The following NOL10 variants were observed in gnomAD, a reference collection of about 807,000 sequenced individuals.
The protein encoded by NOL10 is H_NH0074G24.1.
Under a neutral mutation model 103.5 loss-of-function variants are expected in NOL10, and 58 were observed. The observed-to-expected ratio is 0.56, with a 90% CI of 0.45 to 0.70. The LOEUF is 0.70. Ranked by LOEUF, NOL10 falls within the 30% of genes least tolerant of loss-of-function variation. The probability of loss-of-function intolerance (pLI) is 0.00; values close to 1 mark genes in which losing one functional copy is unlikely to be tolerated. For synonymous variants in NOL10, 287 were observed against 282.5 expected (o/e 1.02, Z -0.16); for missense variants, 763 against 807.3 (o/e 0.95, Z 0.67).
At chr2:10,648,128 T>C (rs919997116) in intron 12 of NOL10, among the ~76,000 whole-genome samples, 1 of 152,216 alleles carries the variant, frequency 6.6e-6, no homozygotes, top group African/African-American at 2.4e-5. Flanking sequence ...TGATGAGCCA[T>C]AGGAGCAGGG....
chr2:10,600,910 A>G lies in NOL10; in HGVS notation c.1365T>C (p.Leu455=), dbSNP rs1374412831. Residue 455 remains leucine (L), a synonymous_variant, in exon 17 of 21, where the codon CTT becomes CTC. Coordinates refer to ENST00000381685, the MANE Select transcript of NOL10 (RefSeq NM_024894.4). The stretch of plus-strand genomic sequence containing the variant: ...TCTCCTCTTCTTCCTCAATTAATTT[A>G]AGTGCCAGCTCTTTGTTAACTTTTG... The part of the protein sequence containing the change: ...KLPKVNKELA[L]KLIEEEEEKQ... 1 of 1,556,916 alleles carries G rather than the reference A, an allele frequency of 6.4e-7. No homozygotes were observed. The highest frequency in any genetic ancestry group is 8.7e-7 in the Non-Finnish European group (1 of 1,149,066).
chr2:10,597,739 T>C (rs182146916), intron 17 of NOL10, among the ~76,000 whole-genome samples: 56 of 152,344 alleles, frequency 3.7e-4, no homozygotes, highest in Non-Finnish European at 2.2e-4. Context: ...TAGTACTCTT[T>C]GGAAGAATTC....
At chr2:10,615,136 C>T (rs1333591893) in intron 13 of NOL10, among the ~76,000 whole-genome samples, 1 of 152,202 alleles carries the variant, frequency 6.6e-6, no homozygotes, top group African/African-American at 2.4e-5. Flanking sequence ...TCCAAGTTTA[C>T]ATGCATTTGT....
intron 13 of NOL10, among the ~76,000 whole-genome samples, chr2:10,620,694 G>A (rs1324837996): frequency 6.6e-6 from 1 of 152,180 alleles, no homozygotes; most frequent in Admixed American, 6.5e-5. Context: ...TAATAAACAG[G>A]ATTCCCACAA....
At position 10,572,020 on chromosome 2, in the gene NOL10, G is replaced by A. The variant is rs1572211992; in HGVS notation, c.*51C>T. 6.2e-7 allele frequency: 1 copy of A among 1,605,434 alleles called. No individual in the cohort carries two copies. Among genetic ancestry groups the A allele is most frequent in the South Asian group, 1.1e-5 (1 of 90,812 alleles). ...GTGTTTAACACCCTAACGATGATCAGTTTGGGGGAGACGTACCCCTCCCTA... is the reference window on the plus strand; with the variant it reads ...GTGTTTAACACCCTAACGATGATCAATTTGGGGGAGACGTACCCCTCCCTA... On this transcript the variant is annotated 3_prime_UTR_variant, in exon 21 of 21. Transcript: ENST00000381685.
At chr2:10,679,603 C>CCTCTCTTTCT (rs1416224483) in intron 3 of NOL10, among the ~76,000 whole-genome samples, 1 of 141,832 alleles carries the variant, frequency 7.1e-6, no homozygotes, top group African/African-American at 2.5e-5. Flanking sequence ...CTCTCTCCTT[C>CCTCTCTTTCT]CTCTCTTTCT....
intron 12 of NOL10, among the ~76,000 whole-genome samples, chr2:10,646,443 A>C (rs1398191847): frequency 6.6e-6 from 1 of 152,178 alleles, no homozygotes; most frequent in Non-Finnish European, 1.5e-5. Flanking sequence ...TTTTCTAAAA[A>C]TGGAGGAGGA....
rs1044622787 is a variant in NOL10, at chr2:10,685,424, C to T, written c.67-812G>A. Among the ~76,000 whole-genome samples, 12 of 124,244 alleles carry T rather than the reference C, an allele frequency of 9.7e-5. No individual in the cohort carries two copies. The East Asian group carries it at 3.3e-3, about 34-fold the overall frequency. 81.5% of individuals were successfully genotyped at this position (124,244 alleles called of 152,430 possible). The stretch of plus-strand genomic sequence containing the variant: ...AGGGGAATCACTTGAACCCGGGAGG[C>T]GGAGGTTGCAGGGAGCTGAGATCTT... On this transcript the variant is annotated intron_variant, in intron 1 of 20. Coordinates refer to ENST00000381685, the MANE Select transcript of NOL10 (RefSeq NM_024894.4).
At chr2:10,614,226 C>T (rs1451268375) in intron 13 of NOL10, among the ~76,000 whole-genome samples, 2 of 152,114 alleles carry the variant, frequency 1.3e-5, no homozygotes, top group Non-Finnish European at 2.9e-5. Context: ...TCCTAAAGTG[C>T]TGGGATTATA....
In NOL10 at chr2:10,645,058, AG is replaced by A. The variant is rs531806547; in HGVS notation, c.974-687del. ...AACTGAAACCAGCAAGCCTTTGACC[AG>A]TCCTTCATAATCATCTAGGCACTTT... On this transcript the variant is annotated intron_variant, in intron 12 of 20. Transcript: ENST00000381685. 1.1e-3 allele frequency among the ~76,000 whole-genome samples: 171 copies of A among 152,312 alleles called. 1 individual carries two copies. The highest frequency in any genetic ancestry group is 4.0e-3 in the African/African-American group (166 of 41,564).
intron 5 of NOL10, among the ~76,000 whole-genome samples, chr2:10,672,454 A>G (rs1681012790): frequency 6.6e-6 from 1 of 152,228 alleles, no homozygotes; most frequent in Non-Finnish European, 1.5e-5. Context: ...TGGTATTTAA[A>G]GGCAAATTTG....
At position 10,589,560 on chromosome 2, in the gene NOL10, T is replaced by C. The variant is rs765670000; in HGVS notation, c.1596+18A>G. 6.6e-7 allele frequency: 1 copy of C among 1,522,386 alleles called. No individual in the cohort carries two copies. The allele number at this position is 1,522,386 out of a possible 1,614,324, so 94.3% of individuals were successfully genotyped here. On this transcript the variant is annotated intron_variant, in intron 18 of 20. Coordinates refer to ENST00000381685, the MANE Select transcript of NOL10 (RefSeq NM_024894.4). ...TAAAGAAACAGTAGCAAATTCTAAC[T>C]GATAAGGAGTACATTACTTTTTCAC... is the stretch of plus-strand genomic sequence containing the variant.
At chr2:10,604,987 CACAAATCTCCTAAAAT>C (rs1310038749) in intron 14 of NOL10, among the ~76,000 whole-genome samples, 1 of 152,174 alleles carries the variant, frequency 6.6e-6, no homozygotes, top group African/African-American at 2.4e-5. Flanking sequence ...ACTTATTTGC[CACAAATCTCCTAAAAT>C]AAAAGGGTGC....
At chr2:10,639,082 C>A (rs1253793915) in intron 13 of NOL10, among the ~76,000 whole-genome samples, 1 of 150,714 alleles carries the variant, frequency 6.6e-6, no homozygotes, top group Admixed American at 6.6e-5. Context: ...GGATTACAGG[C>A]GTGAGCCACC....
intron 19 of NOL10, among the ~76,000 whole-genome samples, chr2:10,585,514 T>C (rs1674982131): frequency 6.6e-6 from 1 of 152,222 alleles, no homozygotes; most frequent in Admixed American, 6.5e-5. Flanking sequence ...TTATTCATAA[T>C]AGCCAAAAAG....
chr2:10,651,615 C>T (rs1325286702), intron 12 of NOL10, among the ~76,000 whole-genome samples: 4 of 152,078 alleles, frequency 2.6e-5, no homozygotes, highest in Admixed American at 2.6e-4. Context: ...GGCTACCAAA[C>T]TGTACAGCCC....
At chr2:10,630,736 A>T (rs535395737) in intron 13 of NOL10, among the ~76,000 whole-genome samples, 1 of 152,068 alleles carries the variant, frequency 6.6e-6, no homozygotes, top group African/African-American at 2.4e-5. Context: ...AACAAAAAAA[A>T]ACCCAAAAAC....
chr2:10,630,360 T>C (rs1173173128), intron 13 of NOL10, among the ~76,000 whole-genome samples: 2 of 152,158 alleles, frequency 1.3e-5, no homozygotes, highest in East Asian at 1.9e-4. Flanking sequence ...TACTATGCAA[T>C]GTGGAAGGAA....
chr2:10,667,431 G>A (rs1680634024), intron 7 of NOL10, among the ~76,000 whole-genome samples, 153 bp from the exon 8 acceptor site: 2 of 152,180 alleles, frequency 1.3e-5, no homozygotes, highest in South Asian at 2.1e-4. Context: ...AAACACCAAG[G>A]TATGAAAGGG....
Sources: gnomAD v4.1 joint callset for allele counts (sites outside exome capture counted in the v4.1 genomes callset) on GRCh38, gnomAD v4.1.1 for gene constraint, MANE v1.5 for transcripts, NCBI Gene and HGNC (gene_info 2026-07-23, HGNC 2026-07-21) for gene names.